SAMSN1: variants seen among roughly 807,000 people sequenced by gnomAD.
SAMSN1 encodes SAM domain-containing protein SAMSN-1.
In SAMSN1, 31 loss-of-function variants were observed where a neutral mutation model predicts 42.0. The ratio of observed to expected loss-of-function variants is 0.74; its 90% CI spans 0.55 to 1.00. The LOEUF is 1.00. Ranked by LOEUF, SAMSN1 falls within the 50% of genes least tolerant of loss-of-function variation. SAMSN1 has a pLI of 0.00. For missense variants in SAMSN1, 464 were observed against 439.4 expected, an observed-to-expected ratio of 1.06 and a Z score of -0.50; for synonymous variants, 178 against 151.9, an observed-to-expected ratio of 1.17 and a Z score of -1.26.
chr21:14,548,205 G>A (rs1041807712), upstream of SAMSN1, among the ~76,000 whole-genome samples: 2 of 152,106 alleles, frequency 1.3e-5, no homozygotes, highest in African/African-American at 2.4e-5. Context: ...TAATAAAATG[G>A]CAATGATAAT....
chr21:14,512,532 A>C lies in SAMSN1; in HGVS notation c.321T>G (p.Ser107Arg), dbSNP rs533839868. ...CTGTGTGGGTCCCAATCACAGGGTCACTGTTTCTATATGGGTGGGCATTCT... is the reference window on the plus strand; with the variant it reads ...CTGTGTGGGTCCCAATCACAGGGTCCCTGTTTCTATATGGGTGGGCATTCT... ...DGENAHPYRN[S>R]DPVIGTHTEK... The change falls in exon 4 of 8, where the codon AGT becomes AGG. Residue 107 changes from serine to arginine, a missense_variant. Physicochemically the swap from Ser to Arg is moderately radical, Grantham distance 110. Coordinates refer to ENST00000400566, the MANE Select transcript of SAMSN1 (RefSeq NM_022136.5). 6.9e-4 allele frequency: 1,106 copies of C among 1,613,850 alleles called. 23 individuals carry two copies. In the South Asian group the frequency reaches 0.011, roughly 17 times the overall value.
rs554796813 is a variant in SAMSN1 at position 14,648,291 on chromosome 21, C to T, written c.25-5158G>A. The stretch of plus-strand genomic sequence containing the variant: ...ATTCAAGATGGATTAAAGACTTAAA[C>T]GTTAGACCTAAAACCATAAAAACCC... On this transcript the variant is annotated intron_variant, in intron 1 of 15. Coordinates refer to the SAMSN1 transcript ENST00000647101. Among the ~76,000 whole-genome samples, 1,292 of 152,180 alleles carry T rather than the reference C, an allele frequency of 8.5e-3. 16 individuals are homozygous for T. The highest frequency in any genetic ancestry group is 0.029 in the African/African-American group (1,186 of 41,518).
At chr21:14,583,653 G>T, upstream of SAMSN1, 1 of 717,244 alleles carries the variant, frequency 1.4e-6, no homozygotes, top group East Asian at 2.7e-5. Context: ...TACTTACGGA[G>T]GTTTATTAAT....
chr21:14,648,883 C>A (rs1189402421), intron 1 of SAMSN1, among the ~76,000 whole-genome samples: 651 of 125,506 alleles, frequency 5.2e-3, no homozygotes, highest in South Asian at 0.01. Context: ...GGATCTAGAA[C>A]TAGAAATACC....
At chr21:14,656,724 C>A (rs1983922417) in intron 1 of SAMSN1, among the ~76,000 whole-genome samples, 1 of 151,816 alleles carries the variant, frequency 6.6e-6, no homozygotes, top group Non-Finnish European at 1.5e-5. Context: ...ATGGGTAGTT[C>A]ATTAAGTTTC....
intron 1 of SAMSN1, among the ~76,000 whole-genome samples, chr21:14,523,747 T>C (rs1423302548): frequency 6.6e-6 from 1 of 152,144 alleles, no homozygotes; most frequent in Non-Finnish European, 1.5e-5. Flanking sequence ...AATGGGATAA[T>C]GGGTCCTGTT....
At chr21:14,614,191 C>T (rs935696928) in intron 3 of SAMSN1, among the ~76,000 whole-genome samples, 4 of 152,084 alleles carry the variant, frequency 2.6e-5, no homozygotes, top group African/African-American at 9.7e-5. Context: ...TGTGATTATG[C>T]TTTTTAAAAA....
intron 5 of SAMSN1, among the ~76,000 whole-genome samples, chr21:14,607,550 C>T (rs924152648): frequency 5.9e-5 from 9 of 152,258 alleles, no homozygotes; most frequent in East Asian, 1.9e-4. Flanking sequence ...CACATGCACA[C>T]GCACTCGCTG....
At chr21:14,654,981 C>A (rs922573530) in intron 1 of SAMSN1, among the ~76,000 whole-genome samples, 2 of 151,838 alleles carry the variant, frequency 1.3e-5, no homozygotes, top group African/African-American at 4.8e-5. Flanking sequence ...GAAAATTAAA[C>A]CATTTAATTC....
Position 14,572,463 on chromosome 21 carries a change from C to T in SAMSN1, c.261+9673G>A, listed in dbSNP as rs886922547. Among the ~76,000 whole-genome samples, 50 of 152,126 alleles carry T rather than the reference C, an allele frequency of 3.3e-4. 1 individual carries two copies. Among genetic ancestry groups the T allele is most frequent in the Non-Finnish European group, 5.9e-5 (4 of 68,024 alleles). On this transcript the variant is annotated intron_variant, in intron 2 of 8. Coordinates refer to the SAMSN1 transcript ENST00000285670. Reference sequence around the variant, plus strand: ...ACTGCCATGGTTATTTATAGATCTACTGCAAAATTTAAAGACAACTTAGTG... The same window carrying T: ...ACTGCCATGGTTATTTATAGATCTATTGCAAAATTTAAAGACAACTTAGTG...
At chr21:14,642,032 C>T (rs1458550521) in intron 2 of SAMSN1, among the ~76,000 whole-genome samples, 1 of 152,022 alleles carries the variant, frequency 6.6e-6, no homozygotes, top group African/African-American at 2.4e-5. Context: ...AGAACATGAG[C>T]AAGAGAAAAT....
At position 14,621,340 on chromosome 21, in the gene SAMSN1, A is replaced by G. The variant is rs527963880; in HGVS notation, c.157-5324T>C. The stretch of plus-strand genomic sequence containing the variant: ...CCCACTGAGTGTGAGCCGAAGCAGG[A>G]CAAGGCATCGCCTCACCTGGGAAGC... On this transcript the variant is annotated intron_variant, in intron 2 of 15. Coordinates refer to the SAMSN1 transcript ENST00000647101. Among the ~76,000 whole-genome samples the G allele has an allele frequency of 3.8e-4, 58 of 152,322 alleles. No individual in the cohort carries two copies. The East Asian group carries it at 0.011, about 29-fold the overall frequency.
chr21:14,590,232 A>T (rs1982039091), intron 7 of SAMSN1, among the ~76,000 whole-genome samples: 1 of 150,942 alleles, frequency 6.6e-6, no homozygotes, highest in Admixed American at 6.7e-5. Context: ...TACAGTGAAG[A>T]TGTGTTAGTT....
intron 5 of SAMSN1, among the ~76,000 whole-genome samples, chr21:14,506,057 T>G (rs984370471): frequency 2.0e-5 from 3 of 152,224 alleles, no homozygotes; most frequent in South Asian, 2.1e-4. Context: ...TGACAACCTC[T>G]GGGACACAGC....
At chr21:14,622,282 G>A (rs921388671) in intron 2 of SAMSN1, among the ~76,000 whole-genome samples, 2 of 152,236 alleles carry the variant, frequency 1.3e-5, no homozygotes, top group South Asian at 4.1e-4. Context: ...CAATGACTTT[G>A]ACAAGTTGAG....
At chr21:14,649,796 C>T (rs900122728) in intron 1 of SAMSN1, among the ~76,000 whole-genome samples, 1 of 151,608 alleles carries the variant, frequency 6.6e-6, no homozygotes, top group Non-Finnish European at 1.5e-5. Flanking sequence ...CACACACACA[C>T]ACACACACAC....
intron 2 of SAMSN1, among the ~76,000 whole-genome samples, chr21:14,575,116 T>A (rs1981417784): frequency 6.6e-6 from 1 of 152,186 alleles, no homozygotes; most frequent in Non-Finnish European, 1.5e-5. Context: ...ACTGGATGGC[T>A]TAGGAGGCAC....
chr21:14,509,752 A>G (rs1001947899), intron 5 of SAMSN1, among the ~76,000 whole-genome samples: 1 of 152,136 alleles, frequency 6.6e-6, no homozygotes, highest in African/African-American at 2.4e-5. Flanking sequence ...CCTCCCTGAT[A>G]GACTCTGAAC....
At chr21:14,564,282 C>G (rs1981040226) in intron 2 of SAMSN1, among the ~76,000 whole-genome samples, 1 of 152,126 alleles carries the variant, frequency 6.6e-6, no homozygotes, top group African/African-American at 2.4e-5. Context: ...TACTCTTATA[C>G]TCAGTCTCAT....
Sources: gnomAD v4.1 joint callset for allele counts (sites outside exome capture counted in the v4.1 genomes callset) on GRCh38, gnomAD v4.1.1 for gene constraint, MANE v1.5 for transcripts, NCBI Gene and HGNC (gene_info 2026-07-23, HGNC 2026-07-21) for gene names.